Variants in CNTN4 observed in about 807,000 individuals in gnomAD.
CNTN4 encodes contactin-4.
Under a neutral mutation model 122.5 loss-of-function variants are expected in CNTN4, and 77 were observed. The observed-to-expected ratio is 0.63, with a 90% CI of 0.52 to 0.76. The LOEUF (loss-of-function observed/expected upper bound fraction) is 0.76. CNTN4 is among the 30% of genes least tolerant of loss of function. CNTN4 has a pLI of 0.00. For synonymous variants in CNTN4, 512 were observed against 447.0 expected (o/e 1.15, Z -1.83); for missense variants, 1,256 against 1,259.1 (o/e 1.00, Z 0.04).
chr3:2,120,732 C>T (rs561942938), intron 2 of CNTN4, among the ~76,000 whole-genome samples: 1 of 152,040 alleles, frequency 6.6e-6, no homozygotes, highest in East Asian at 1.9e-4. Flanking sequence ...ATGCATGTGA[C>T]TCTCACGAGT....
intron 2 of CNTN4, among the ~76,000 whole-genome samples, chr3:2,136,216 A>G (rs1331649145): frequency 2.6e-5 from 4 of 152,236 alleles, no homozygotes; most frequent in African/African-American, 9.6e-5. Context: ...TTCAAAATGT[A>G]GTTAATTCAA....
At chr3:2,461,074 T>A (rs1178996578) in intron 3 of CNTN4, among the ~76,000 whole-genome samples, 1 of 152,168 alleles carries the variant, frequency 6.6e-6, no homozygotes, top group Non-Finnish European at 1.5e-5. Context: ...CCTAAAAGAC[T>A]AGTAACCCAC....
At chr3:2,281,377 C>T (rs889531005) in intron 2 of CNTN4, among the ~76,000 whole-genome samples, 4 of 152,054 alleles carry the variant, frequency 2.6e-5, no homozygotes, top group African/African-American at 9.7e-5. Context: ...CTAACCACAA[C>T]TATTATGCTT....
chr3:2,839,056 G>C (rs757438610), intron 7 of CNTN4, among the ~76,000 whole-genome samples: 4 of 152,050 alleles, frequency 2.6e-5, no homozygotes, highest in African/African-American at 9.7e-5. Flanking sequence ...CTAGCTTGGT[G>C]ACAGCCTGTA....
chr3:2,963,275 T>C (rs2094880192), intron 13 of CNTN4, among the ~76,000 whole-genome samples: 1 of 152,216 alleles, frequency 6.6e-6, no homozygotes, highest in South Asian at 2.1e-4. Flanking sequence ...TCGCTCGTAT[T>C]ACCTCTTACT....
At chr3:2,893,062 T>C (rs2094062593) in intron 10 of CNTN4, among the ~76,000 whole-genome samples, 1 of 152,226 alleles carries the variant, frequency 6.6e-6, no homozygotes. Flanking sequence ...GTGTCACAAA[T>C]GAAAACATCT....
intron 23 of CNTN4, among the ~76,000 whole-genome samples, chr3:3,049,378 T>A (rs1164431099): frequency 1.3e-5 from 2 of 152,198 alleles, no homozygotes; most frequent in African/African-American, 4.8e-5. Context: ...CCACCATGCC[T>A]GGCCTCATCT....
At chr3:2,322,937 C>T (rs1385832658) in intron 2 of CNTN4, among the ~76,000 whole-genome samples, 4 of 152,054 alleles carry the variant, frequency 2.6e-5, no homozygotes, top group Non-Finnish European at 5.9e-5. Context: ...GTGGATTTCA[C>T]ATTGATGGAA....
At chr3:2,292,495 A>G (rs527929062) in intron 2 of CNTN4, among the ~76,000 whole-genome samples, 11 of 152,182 alleles carry the variant, frequency 7.2e-5, no homozygotes, top group Middle Eastern at 3.4e-3. Context: ...TAACTTTTTG[A>G]CAGCCATTAA....
chr3:2,456,614 T>C (rs1337290122), intron 3 of CNTN4, among the ~76,000 whole-genome samples: 2 of 152,134 alleles, frequency 1.3e-5, no homozygotes, highest in Non-Finnish European at 2.9e-5. Context: ...AATAGAACCA[T>C]ACAATATGTA....
At chr3:2,683,321 C>T (rs1291865904) in intron 4 of CNTN4, among the ~76,000 whole-genome samples, 9 of 123,382 alleles carry the variant, frequency 7.3e-5, no homozygotes, top group African/African-American at 3.1e-4. Flanking sequence ...CTCACCTGCA[C>T]ACATGTACAC....
At chr3:3,016,469 G>A (rs145998062) in intron 14 of CNTN4, among the ~76,000 whole-genome samples, 5 of 152,216 alleles carry the variant, frequency 3.3e-5, no homozygotes, top group Non-Finnish European at 4.4e-5. Flanking sequence ...TCCAGACCCC[G>A]GAGGTTTGCT....
chr3:2,646,645 G>A (rs531792845), intron 4 of CNTN4, among the ~76,000 whole-genome samples: 1 of 152,272 alleles, frequency 6.6e-6, no homozygotes, highest in South Asian at 2.1e-4. Flanking sequence ...CCTTAACAAA[G>A]TACCACTGAC....
At chr3:2,879,404 C>A (rs1440436813) in intron 8 of CNTN4, among the ~76,000 whole-genome samples, 1 of 152,064 alleles carries the variant, frequency 6.6e-6, no homozygotes, top group Admixed American at 6.6e-5. Context: ...TTGCTTAGGG[C>A]CACTGAGTTT....
At chr3:2,215,342 A>G (rs947945634) in intron 2 of CNTN4, among the ~76,000 whole-genome samples, 1 of 152,108 alleles carries the variant, frequency 6.6e-6, no homozygotes, top group Non-Finnish European at 1.5e-5. Flanking sequence ...GTGTAACACT[A>G]TTTTCTGACT....
intron 2 of CNTN4, among the ~76,000 whole-genome samples, chr3:2,299,128 T>G (rs1196692911): frequency 6.6e-6 from 1 of 152,100 alleles, no homozygotes; most frequent in Non-Finnish European, 1.5e-5. Flanking sequence ...AAATTGAAAA[T>G]GGACAGGAAA....
rs1470507058 is a variant in CNTN4, at chr3:2,364,941, C to G, written c.-89+25708C>G. Among the ~76,000 whole-genome samples the G allele has an allele frequency of 2.0e-5, 3 of 151,996 alleles. No homozygotes were observed. In the East Asian group the frequency reaches 5.8e-4, roughly 29 times the overall value. ...TAATATTAATAATAGTGCGATTTGGCTTTGTATTGGAGACATTTTTCAAAG... is the reference window on the plus strand; with the variant it reads ...TAATATTAATAATAGTGCGATTTGGGTTTGTATTGGAGACATTTTTCAAAG... On this transcript the variant is annotated intron_variant, in intron 3 of 24. Transcript: ENST00000418658.
intron 3 of CNTN4, among the ~76,000 whole-genome samples, chr3:2,354,438 G>A (rs1441092862): frequency 6.6e-6 from 1 of 152,202 alleles, no homozygotes; most frequent in Non-Finnish European, 1.5e-5. Context: ...GGCTGAGGCA[G>A]GAGAATCACT....
chr3:2,632,675 T>C (rs2082495444), intron 4 of CNTN4, among the ~76,000 whole-genome samples: 1 of 152,172 alleles, frequency 6.6e-6, no homozygotes, highest in Admixed American at 6.5e-5. Flanking sequence ...TTGTACCAAA[T>C]AGAGATAAAG....
Sources: allele counts gnomAD v4.1 joint callset (sites outside exome capture counted in the v4.1 genomes callset), GRCh38; gene constraint gnomAD v4.1.1; transcripts MANE v1.5; gene names NCBI Gene and HGNC (gene_info 2026-07-23, HGNC 2026-07-21).